SMC5: variants seen among roughly 807,000 people sequenced by gnomAD.
SMC5 encodes the protein structural maintenance of chromosomes 5.
A neutral mutation model predicts 148.3 loss-of-function variants in SMC5; 88 were observed. That is an observed-to-expected ratio of 0.59 (90% CI 0.50 to 0.71). The LOEUF is 0.71. Ranked by LOEUF, SMC5 falls within the 30% of genes least tolerant of loss-of-function variation. The probability of loss-of-function intolerance (pLI) is 0.00; values close to 1 mark genes in which losing one functional copy is unlikely to be tolerated. For missense variants in SMC5, 1,142 were observed against 1,298.9 expected, an observed-to-expected ratio of 0.88 and a Z score of 1.86; for synonymous variants, 421 against 432.8, an observed-to-expected ratio of 0.97 and a Z score of 0.34.
chr9:70,311,343 A>G (rs1247983494), intron 11 of SMC5: 1 of 152,238 alleles, frequency 6.6e-6, no homozygotes, highest in Non-Finnish European at 1.5e-5. Flanking sequence ...ACAGATGGTC[A>G]GTGGAGCAGT....
chr9:70,267,885 G>A, intron 2 of SMC5, 38 bp from the exon 3 acceptor site: 1 of 1,554,976 alleles, frequency 6.4e-7, no homozygotes, highest in South Asian at 1.2e-5. Flanking sequence ...ACCTGGGAAT[G>A]TCACTACACA....
intron 3 of SMC5, among the ~76,000 whole-genome samples, chr9:70,272,268 T>C (rs1258626519): frequency 6.6e-6 from 1 of 152,196 alleles, no homozygotes; most frequent in Non-Finnish European, 1.5e-5. Flanking sequence ...TCATACATCA[T>C]TGAACTAAGA....
intron 13 of SMC5, among the ~76,000 whole-genome samples, chr9:70,316,984 C>T (rs1285777380): frequency 6.6e-6 from 1 of 151,996 alleles, no homozygotes; most frequent in Admixed American, 6.6e-5. Context: ...AAATACCTTA[C>T]TGTCCCAATG....
intron 17 of SMC5, among the ~76,000 whole-genome samples, chr9:70,324,731 G>A (rs2036033325): frequency 6.6e-6 from 1 of 152,046 alleles, no homozygotes; most frequent in South Asian, 2.1e-4. Flanking sequence ...CCAACTAGCT[G>A]CAAATTCAAG....
At chr9:70,302,261 G>T (rs2035378714) in intron 10 of SMC5, among the ~76,000 whole-genome samples, 1 of 152,082 alleles carries the variant, frequency 6.6e-6, no homozygotes, top group Non-Finnish European at 1.5e-5. Flanking sequence ...CACTTTGAGA[G>T]ACTGAGGGGG....
At chr9:70,345,008 T>A (rs1247025273) in intron 18 of SMC5, among the ~76,000 whole-genome samples, 2 of 152,168 alleles carry the variant, frequency 1.3e-5, no homozygotes, top group South Asian at 2.1e-4. Context: ...ATTGATTTAT[T>A]TTATGATATC....
At chr9:70,319,795 A>G (rs2118615898) in intron 15 of SMC5, among the ~76,000 whole-genome samples, 1 of 152,366 alleles carries the variant, frequency 6.6e-6, no homozygotes, top group African/African-American at 2.4e-5. Context: ...TGGTTCATCA[A>G]GTCACATAGA....
At position 70,300,213 on chromosome 9, in the gene SMC5, G is replaced by A. The variant is rs761814665; in HGVS notation, c.1464+13G>A. On this transcript the variant is annotated intron_variant, in intron 10 of 24. Transcript: ENST00000361138. ...CATAATGCTCACGGTAAGAAACTTTGTTCATCTTGGTAGTATTGGTTTTAT... is the reference window on the plus strand; with the variant it reads ...CATAATGCTCACGGTAAGAAACTTTATTCATCTTGGTAGTATTGGTTTTAT... 62 of 1,571,970 alleles carry A rather than the reference G, an allele frequency of 3.9e-5. No individual in the cohort carries two copies. The highest frequency in any genetic ancestry group is 1.3e-4 in the Admixed American group (6 of 46,710).
intron 3 of SMC5, among the ~76,000 whole-genome samples, chr9:70,268,751 C>A (rs1345016608): frequency 6.6e-6 from 1 of 152,046 alleles, no homozygotes; most frequent in African/African-American, 2.4e-5. Context: ...TTTGATGAAT[C>A]TCATGTATGA....
Position 70,321,082 on chromosome 9 carries a change from G to A in SMC5, c.2150+2119G>A, listed in dbSNP as rs553977493. ...AGGTATCCCCAGGAGTCTGTAGACC[G>A]GACTTTGAGAACCACTGCCCTACAT... is the stretch of plus-strand genomic sequence containing the variant. On this transcript the variant is annotated intron_variant, in intron 15 of 24. Coordinates refer to ENST00000361138, the MANE Select transcript of SMC5 (RefSeq NM_015110.4). 3.9e-5 allele frequency among the ~76,000 whole-genome samples: 6 copies of A among 152,212 alleles called. No homozygotes were observed. The East Asian group carries it at 7.7e-4, about 20-fold the overall frequency.
intron 11 of SMC5, among the ~76,000 whole-genome samples, chr9:70,312,582 T>G (rs775701413): frequency 4.6e-5 from 7 of 152,238 alleles, no homozygotes; most frequent in Non-Finnish European, 8.8e-5. Flanking sequence ...ACAAATGCTC[T>G]TTATTAGGTT....
At chr9:70,340,446 T>G (rs1168201002) in intron 17 of SMC5, among the ~76,000 whole-genome samples, 1 of 152,124 alleles carries the variant, frequency 6.6e-6, no homozygotes, top group Non-Finnish European at 1.5e-5. Context: ...TAGCATTACA[T>G]TAAAATTTAA....
intron 15 of SMC5, among the ~76,000 whole-genome samples, chr9:70,322,092 GTTGT>G (rs2035962621): frequency 6.6e-6 from 1 of 152,128 alleles, no homozygotes; most frequent in East Asian, 1.9e-4. Flanking sequence ...TTTGTTCTTT[GTTGT>G]TTATGTTTTT....
chr9:70,307,304 T>G (rs1221502459), intron 11 of SMC5, among the ~76,000 whole-genome samples: 2 of 152,144 alleles, frequency 1.3e-5, no homozygotes, highest in East Asian at 1.9e-4. Context: ...GTGGAGATAC[T>G]TTGAGATTGC....
intron 10 of SMC5, among the ~76,000 whole-genome samples, chr9:70,301,686 A>T (rs552569678): frequency 2.0e-5 from 3 of 152,344 alleles, no homozygotes; most frequent in African/African-American, 7.2e-5. Context: ...GAGCAAAAAA[A>T]GAAAATTTAT....
chr9:70,337,814 T>G (rs574580763), intron 17 of SMC5, among the ~76,000 whole-genome samples: 27 of 151,578 alleles, frequency 1.8e-4, no homozygotes, highest in Non-Finnish European at 3.7e-4. Context: ...GGAAAGTTTT[T>G]GGGGAGAGGG....
intron 11 of SMC5, among the ~76,000 whole-genome samples, chr9:70,309,594 T>C (rs916407472): frequency 6.6e-6 from 1 of 152,112 alleles, no homozygotes; most frequent in Non-Finnish European, 1.5e-5. Context: ...ACCATTTTCT[T>C]TGCTCATCCA....
chr9:70,334,504 G>A (rs1459822752), intron 17 of SMC5, among the ~76,000 whole-genome samples: 2 of 152,192 alleles, frequency 1.3e-5, no homozygotes, highest in African/African-American at 2.4e-5. Context: ...ACACCTCAGA[G>A]AGGACTTGTA....
chr9:70,325,078 T>C (rs1357160693), intron 17 of SMC5, among the ~76,000 whole-genome samples: 1 of 152,206 alleles, frequency 6.6e-6, no homozygotes, highest in African/African-American at 2.4e-5. Flanking sequence ...AGCTTGATCA[T>C]CAGCCCTCTT....
Sources: allele counts gnomAD v4.1 joint callset (sites outside exome capture counted in the v4.1 genomes callset), GRCh38; gene constraint gnomAD v4.1.1; transcripts MANE v1.5; gene names NCBI Gene and HGNC (gene_info 2026-07-23, HGNC 2026-07-21).